The following KDM5B variants were observed in gnomAD, a reference collection of about 807,000 sequenced individuals.
The protein encoded by KDM5B is lysine-specific demethylase 5B.
Under a neutral mutation model 193.4 loss-of-function variants are expected in KDM5B, and 144 were observed. The observed-to-expected ratio is 0.74, with a 90% confidence interval of 0.65 to 0.86. The LOEUF is 0.86. Among genes scored for constraint, KDM5B ranks in the 40% least tolerant of loss-of-function variants. The pLI is 0.00. For synonymous variants in KDM5B, 668 were observed against 682.6 expected, an observed-to-expected ratio of 0.98 and a Z score of 0.33; for missense variants, 1,833 against 1,886.9, an observed-to-expected ratio of 0.97 and a Z score of 0.53.
intron 24 of KDM5B, 95 bp from the exon 25 acceptor site, chr1:202,731,158 T>A (rs541184041): frequency 1.1e-6 from 1 of 892,272 alleles, no homozygotes; most frequent in South Asian, 1.8e-5. Flanking sequence ...CTGCCCCTAA[T>A]ACCACTACTA....
At chr1:202,744,991 C>T (rs1049169866) in intron 16 of KDM5B, among the ~76,000 whole-genome samples, 2 of 152,174 alleles carry the variant, frequency 1.3e-5, no homozygotes, top group African/African-American at 4.8e-5. Context: ...GAGCTCGTGT[C>T]CTTTGCAGGA....
intron 1 of KDM5B, among the ~76,000 whole-genome samples, chr1:202,802,990 T>G (rs1435348801): frequency 1.3e-5 from 2 of 151,878 alleles, no homozygotes; most frequent in African/African-American, 4.8e-5. Flanking sequence ...GGAGAACTGC[T>G]TGAAGCCAGG....
chr1:202,733,943 A>T, intron 22 of KDM5B, 57 bp from the exon 23 acceptor site: 1 of 1,548,336 alleles, frequency 6.5e-7, no homozygotes, highest in Non-Finnish European at 8.7e-7. Flanking sequence ...CTTCCCCTAA[A>T]ACTCAGAGTC....
chr1:202,764,423 G>A (rs1044127435), intron 5 of KDM5B, among the ~76,000 whole-genome samples: 33 of 152,134 alleles, frequency 2.2e-4, no homozygotes, highest in African/African-American at 7.7e-4. Context: ...GATCACTTAA[G>A]GTCAGGAGTT....
intron 4 of KDM5B, among the ~76,000 whole-genome samples, chr1:202,771,350 G>T (rs1405589241): frequency 1.3e-5 from 2 of 150,646 alleles, no homozygotes; most frequent in Non-Finnish European, 2.9e-5. Context: ...TCCTGCCTCA[G>T]CCTCCCAAGT....
At chr1:202,743,882 T>C (rs1343686039) in intron 16 of KDM5B, among the ~76,000 whole-genome samples, 1 of 152,054 alleles carries the variant, frequency 6.6e-6, no homozygotes, top group Non-Finnish European at 1.5e-5. Context: ...CCCAAAAATA[T>C]AAAAACCCTG....
At chr1:202,774,547 AAAG>A (rs1656858497) in intron 3 of KDM5B, 63 bp downstream of exon 3, 1 of 1,491,070 alleles carries the variant, frequency 6.7e-7, no homozygotes, top group Admixed American at 1.8e-5. Context: ...TTTTTAAGGC[AAAG>A]AAGATCAAAT....
intron 11 of KDM5B, among the ~76,000 whole-genome samples, chr1:202,754,003 C>T (rs114582585): frequency 7.9e-5 from 12 of 152,314 alleles, no homozygotes; most frequent in African/African-American, 2.9e-4. Context: ...ATCGTATTCA[C>T]TTCAGGATAT....
intron 1 of KDM5B, among the ~76,000 whole-genome samples, chr1:202,779,993 A>G (rs1298530770): frequency 1.3e-5 from 2 of 152,218 alleles, no homozygotes; most frequent in Non-Finnish European, 2.9e-5. Flanking sequence ...ATAACAATCA[A>G]TAAGACAAAA....
chr1:202,753,268 C>T (rs964414817), intron 11 of KDM5B, among the ~76,000 whole-genome samples: 8 of 152,028 alleles, frequency 5.3e-5, no homozygotes, highest in Admixed American at 5.2e-4. Context: ...GAGACTGAGG[C>T]GGGTAGATCA....
chr1:202,729,676 G>A, intron 26 of KDM5B, 31 bp downstream of exon 26: 2 of 1,584,062 alleles, frequency 1.3e-6, no homozygotes, highest in Non-Finnish European at 8.6e-7. Flanking sequence ...TTAAGGGAAA[G>A]CACGTCCTCT....
rs1397993823 is a variant in KDM5B at position 202,773,260 on chromosome 1, A to C, written c.434T>G (p.Val145Gly). ...GGTCCATTTTCTATCCTTGCAAACA[A>C]CTGCAAATCCACCTTCTTCTGCAAC... is the stretch of plus-strand genomic sequence containing the variant. ...KLVAEEGGFAVVCKDRKWTKI... is the reference protein window; with the variant it reads ...KLVAEEGGFAGVCKDRKWTKI... Residue 145 changes from valine to glycine, a missense_variant, in exon 4 of 27, where the codon GTT becomes GGT. Around this residue, in one of 3 missense-constraint regions of KDM5B, gnomAD observed 355 missense variants for 374.9 expected, o/e 0.95. Coordinates refer to ENST00000367265, the MANE Select transcript of KDM5B (RefSeq NM_006618.5). 5.0e-6 allele frequency: 8 copies of C among 1,613,992 alleles called. No homozygotes were observed. The Admixed American group carries it at 1.2e-4, about 24-fold the overall frequency.
At chr1:202,744,788 C>T (rs1655487931) in intron 16 of KDM5B, among the ~76,000 whole-genome samples, 1 of 152,140 alleles carries the variant, frequency 6.6e-6, no homozygotes, top group African/African-American at 2.4e-5. Flanking sequence ...CGAGCAATGC[C>T]ATTACTGGGT....
intron 22 of KDM5B, 96 bp from the exon 23 acceptor site, chr1:202,733,982 T>A: frequency 2.1e-6 from 3 of 1,413,390 alleles, no homozygotes; most frequent in Non-Finnish European, 2.9e-6. Context: ...GGATCCTGAG[T>A]AGATCATCTG....
chr1:202,779,667 G>A (rs1297333553), intron 1 of KDM5B, among the ~76,000 whole-genome samples: 1 of 151,746 alleles, frequency 6.6e-6, no homozygotes, highest in Non-Finnish European at 1.5e-5. Flanking sequence ...GCCGGGTGTG[G>A]TGACACATGC....
In KDM5B at chr1:202,729,925, C is replaced by G; in HGVS notation, c.4279G>C (p.Val1427Leu). ...EGLSSERWER[V>L]KKMRTPKKKK... ...TTTTTGGGGGTCCGCATTTTCTTAA[C>G]TCGTTCCCACCGCTCACTGGAGAGG... The change falls in exon 26 of 27, where the codon GTT becomes CTT. Residue 1427 changes from valine to leucine, a missense_variant. Physicochemically the swap from Val to Leu is conservative, Grantham distance 32. Coordinates refer to ENST00000367265, the MANE Select transcript of KDM5B (RefSeq NM_006618.5). The G allele has an allele frequency of 6.2e-7, 1 of 1,614,140 alleles. No homozygotes were observed. The highest frequency in any genetic ancestry group is 8.5e-7 in the Non-Finnish European group (1 of 1,180,012).
At chr1:202,790,353 G>C (rs925128692) in intron 1 of KDM5B, among the ~76,000 whole-genome samples, 1 of 152,148 alleles carries the variant, frequency 6.6e-6, no homozygotes, top group African/African-American at 2.4e-5. Flanking sequence ...CAACCAAGTG[G>C]ATTGCTTGAG....
intron 13 of KDM5B, 97 bp from the exon 14 acceptor site, chr1:202,749,236 A>G: frequency 1.8e-6 from 2 of 1,090,146 alleles, no homozygotes; most frequent in East Asian, 2.6e-5. Flanking sequence ...ACATCACACT[A>G]TGGGTCTTAA....
chr1:202,745,742 G>A (rs1655525840), intron 16 of KDM5B, 116 bp downstream of exon 16: 1 of 1,172,452 alleles, frequency 8.5e-7, no homozygotes, highest in Non-Finnish European at 1.3e-6. Flanking sequence ...CTATGTAGAG[G>A]GGCTAACCAA....
Sources: allele counts gnomAD v4.1 joint callset (sites outside exome capture counted in the v4.1 genomes callset), GRCh38; gene constraint gnomAD v4.1.1; regional missense constraint gnomAD v4.1.1; transcripts MANE v1.5; gene names NCBI Gene and HGNC (gene_info 2026-07-23, HGNC 2026-07-21).